The following AMZ2 variants were observed in gnomAD, a reference collection of about 807,000 sequenced individuals.
AMZ2 encodes the protein archaelysin family metallopeptidase 2.
In AMZ2, 26 loss-of-function variants were observed where a neutral mutation model predicts 36.7. The observed-to-expected ratio is 0.71, with a 90% CI of 0.52 to 0.98. AMZ2 has a LOEUF of 0.98. Ranked by LOEUF, AMZ2 falls within the 50% of genes least tolerant of loss-of-function variation. AMZ2 has a pLI of 0.00. For synonymous variants in AMZ2, 144 were observed against 149.1 expected (o/e 0.97, Z 0.25); for missense variants, 394 against 430.5 (o/e 0.92, Z 0.75).
chr17:68,247,829 G>A, upstream of AMZ2: 1 of 985,552 alleles, frequency 1.0e-6, no homozygotes, highest in Non-Finnish European at 1.2e-6. Flanking sequence ...TGCGGGGGTG[G>A]ACAGCTGGGG....
At chr17:68,222,702 G>A (rs782656718) in intron 1 of AMZ2, among the ~76,000 whole-genome samples, 7 of 152,074 alleles carry the variant, frequency 4.6e-5, no homozygotes, top group Non-Finnish European at 8.8e-5. Flanking sequence ...CCTCAAATGC[G>A]CAGTTCACAA....
chr17:68,230,915 G>A (rs564832464), intron 1 of AMZ2, among the ~76,000 whole-genome samples: 2 of 152,176 alleles, frequency 1.3e-5, no homozygotes, highest in East Asian at 3.9e-4. Flanking sequence ...GCCTAGTTAT[G>A]CTCATTTTTT....
chr17:68,231,102 C>T (rs114794442), intron 1 of AMZ2, among the ~76,000 whole-genome samples: 8,959 of 150,388 alleles, frequency 0.06, 479 homozygotes, highest in Admixed American at 0.13. Context: ...CTCCCTTTGT[C>T]GTCCAGGCTG....
At chr17:68,248,039 G>A (rs2074120288), upstream of AMZ2, 3 of 986,506 alleles carry the variant, frequency 3.0e-6, no homozygotes, top group Non-Finnish European at 3.6e-6. Flanking sequence ...GCGTGGCGTG[G>A]CGCAGTGCGA....
At position 68,239,512 on chromosome 17, in the gene AMZ2, C is replaced by T. The variant is rs1324769434; in HGVS notation, c.-66-9128C>T. ...CTCTTAATGTCTTCTCGTGTTAAAA[C>T]GAATTGGTTGTGAGACTTGAGAGTC... On this transcript the variant is annotated intron_variant, in intron 1 of 7. Transcript: ENST00000674770. 1.2e-4 allele frequency among the ~76,000 whole-genome samples: 19 copies of T among 152,198 alleles called. 1 individual carries two copies. Among genetic ancestry groups the T allele is most frequent in the Non-Finnish European group, 2.6e-4 (18 of 68,034 alleles).
intron 1 of AMZ2, among the ~76,000 whole-genome samples, chr17:68,212,727 C>A (rs1470421850): frequency 1.3e-5 from 2 of 151,978 alleles, no homozygotes; most frequent in African/African-American, 4.8e-5. Flanking sequence ...CACCACCACA[C>A]CTGGCTAATG....
upstream of AMZ2, chr17:68,248,011 GGGGCGTGGCGCCAGT>G (rs1231653468): frequency 7.1e-6 from 7 of 986,150 alleles, no homozygotes; most frequent in African/African-American, 5.2e-5. Context: ...CGTGGCGTAA[GGGGCGTGGCGCCAGT>G]GGGCGTGGCG....
intron 1 of AMZ2, among the ~76,000 whole-genome samples, chr17:68,229,040 G>A (rs1367940066): frequency 9.2e-5 from 14 of 152,230 alleles, no homozygotes; most frequent in African/African-American, 3.4e-4. Context: ...TCTGTCCTGG[G>A]TTAACTGAAG....
chr17:68,212,515 G>C (rs1435500337), intron 1 of AMZ2, among the ~76,000 whole-genome samples: 1 of 152,158 alleles, frequency 6.6e-6, no homozygotes, highest in African/African-American at 2.4e-5. Context: ...CAGCTTGGGA[G>C]ACAGAAAGAG....
chr17:68,242,878 C>CAA (rs34616959), intron 1 of AMZ2, among the ~76,000 whole-genome samples: 3 of 151,508 alleles, frequency 2.0e-5, no homozygotes, highest in Non-Finnish European at 2.9e-5. Context: ...CCCCTCTCTA[C>CAA]AAAAAAACAC....
intron 1 of AMZ2, among the ~76,000 whole-genome samples, chr17:68,209,871 T>C (rs1202551920): frequency 3.3e-5 from 5 of 151,636 alleles, no homozygotes; most frequent in African/African-American, 1.2e-4. Context: ...TCCACCCCCT[T>C]TGGCCCCCCA....
At chr17:68,207,653 A>T (rs372722778) in intron 1 of AMZ2, among the ~76,000 whole-genome samples, 19 of 152,340 alleles carry the variant, frequency 1.2e-4, no homozygotes, top group African/African-American at 4.6e-4. Flanking sequence ...AGCCAAATAT[A>T]AACCTACGTA....
upstream of AMZ2, among the ~76,000 whole-genome samples, chr17:68,246,014 A>G (rs2073993179): frequency 6.6e-6 from 1 of 152,046 alleles, no homozygotes; most frequent in Admixed American, 6.6e-5. Flanking sequence ...TTCTGTTAAG[A>G]TGTGCTGTAG....
chr17:68,248,975 G>A (rs1259798953), intron 1 of AMZ2: 1 of 822,332 alleles, frequency 1.2e-6, no homozygotes, highest in Non-Finnish European at 1.6e-6. Flanking sequence ...AGATGATCCA[G>A]ACAGAGATGT....
chr17:68,257,135 A>G lies in AMZ2; in HGVS notation c.*166A>G, dbSNP rs1354492222. 1.1e-5 allele frequency: 7 copies of G among 637,376 alleles called. No homozygotes were observed. The highest frequency in any genetic ancestry group is 2.4e-5 in the South Asian group (1 of 42,248). 39.5% of individuals were successfully genotyped at this position (637,376 alleles called of 1,614,324 possible). ...ATTGAAATGAAACTCATTTTGAATA[A>G]TAAAAACTCTAGAAACTCTTTATCT... On this transcript the variant is annotated 3_prime_UTR_variant, in exon 7 of 7. Transcript: ENST00000359904.
intron 1 of AMZ2, among the ~76,000 whole-genome samples, chr17:68,223,746 C>T (rs367694950): frequency 1.6e-4 from 24 of 148,268 alleles, no homozygotes; most frequent in Middle Eastern, 3.6e-3. Context: ...GACGGAGTCA[C>T]GCTCTGTCAC....
rs1473506919 is a variant in AMZ2, at chr17:68,206,360, G to C, written c.-67+122G>C. The C allele has an allele frequency of 1.4e-5, 14 of 1,035,926 alleles. No individual in the cohort carries two copies. In the East Asian group the frequency reaches 5.0e-4, roughly 37 times the overall value. 64.2% of individuals were successfully genotyped at this position (1,035,926 alleles called of 1,614,324 possible). A position where few individuals can be genotyped will look rare whatever the true frequency, so the allele number is the denominator to read the frequency against. On this transcript the variant is annotated intron_variant, in intron 1 of 7. Coordinates refer to the AMZ2 transcript ENST00000674770. The stretch of plus-strand genomic sequence containing the variant: ...CCCAACCCCGCCTCCCCCCCAAACA[G>C]AGGGGAAATGCGAGGGCACATCAAG...
intron 4 of AMZ2, 62 bp downstream of exon 4, chr17:68,251,240 A>G (rs2074445637): frequency 1.3e-6 from 2 of 1,554,168 alleles, no homozygotes; most frequent in Non-Finnish European, 1.7e-6. Context: ...TGAAGATGTT[A>G]GAAGAGGGAA....
At chr17:68,228,544 A>G (rs2144585536) in intron 1 of AMZ2, among the ~76,000 whole-genome samples, 1 of 152,288 alleles carries the variant, frequency 6.6e-6, no homozygotes, top group African/African-American at 2.4e-5. Flanking sequence ...GAGGCTGCGG[A>G]AGCCTCGTGG....
Sources: gnomAD v4.1 joint callset for allele counts (sites outside exome capture counted in the v4.1 genomes callset) on GRCh38, gnomAD v4.1.1 for gene constraint, MANE v1.5 for transcripts, NCBI Gene and HGNC (gene_info 2026-07-23, HGNC 2026-07-21) for gene names.